KCNMA1: variants seen among roughly 807,000 people sequenced by gnomAD.
KCNMA1 encodes the protein Calcium-activated potassium channel subunit alpha-1.
KCNMA1 carries 29 observed loss-of-function variants against 140.0 expected under a neutral mutation model. The ratio of observed to expected loss-of-function variants is 0.21; its 90% CI spans 0.15 to 0.28. KCNMA1 has a LOEUF of 0.28. Among genes scored for constraint, KCNMA1 ranks in the 10% least tolerant of loss-of-function variants. The pLI, the probability that KCNMA1 is intolerant of heterozygous loss-of-function variation, is 1.00. For synonymous variants in KCNMA1, 612 were observed against 611.9 expected, an observed-to-expected ratio of 1.00 and a Z score of 0.00; for missense variants, 880 against 1,602.2, an observed-to-expected ratio of 0.55 and a Z score of 7.70.
chr10:77,007,318 A>G (rs889752142), intron 18 of KCNMA1, among the ~76,000 whole-genome samples: 1 of 152,178 alleles, frequency 6.6e-6, no homozygotes, highest in Non-Finnish European at 1.5e-5. Context: ...GGATCTTCCA[A>G]GATGTCTGAC....
intron 14 of KCNMA1, among the ~76,000 whole-genome samples, chr10:77,040,945 T>C (rs2094632776): frequency 1.3e-5 from 2 of 152,226 alleles, no homozygotes; most frequent in African/African-American, 4.8e-5. Context: ...ACCCTCTTCA[T>C]GCTAGGCATC....
At chr10:77,454,646 C>A (rs1419688702) in intron 1 of KCNMA1, among the ~76,000 whole-genome samples, 1 of 152,222 alleles carries the variant, frequency 6.6e-6, no homozygotes, top group East Asian at 1.9e-4. Context: ...TCAGCGATCA[C>A]GATACACGAA....
chr10:77,267,105 G>A (rs1012734302), intron 2 of KCNMA1, among the ~76,000 whole-genome samples: 2 of 152,194 alleles, frequency 1.3e-5, no homozygotes, highest in African/African-American at 2.4e-5. Context: ...ATGAGAAGGA[G>A]TGAAGAAGAT....
intron 19 of KCNMA1, chr10:76,973,248 G>A (rs991642613): frequency 6.6e-6 from 1 of 152,166 alleles, no homozygotes; most frequent in African/African-American, 2.4e-5. Context: ...AACAAGTTCA[G>A]GAATCTAACG....
At chr10:76,909,113 C>T (rs551495754) in intron 25 of KCNMA1, among the ~76,000 whole-genome samples, 42 of 152,356 alleles carry the variant, frequency 2.8e-4, no homozygotes, top group Non-Finnish European at 5.6e-4. Flanking sequence ...CCAGGCCTTG[C>T]CTCCATGCCT....
chr10:77,374,854 C>A (rs1411804733), intron 2 of KCNMA1, among the ~76,000 whole-genome samples: 3 of 152,210 alleles, frequency 2.0e-5, no homozygotes, highest in Non-Finnish European at 1.5e-5. Flanking sequence ...TCACAACACC[C>A]TGATTCCAGA....
intron 2 of KCNMA1, among the ~76,000 whole-genome samples, chr10:77,274,041 C>T (rs1444440899): frequency 6.6e-6 from 1 of 152,306 alleles, no homozygotes; most frequent in African/African-American, 2.4e-5. Context: ...TGATGGCTAG[C>T]ATTCCTCTTA....
At chr10:77,554,570 C>A (rs1248037696) in intron 1 of KCNMA1, among the ~76,000 whole-genome samples, 2 of 118,366 alleles carry the variant, frequency 1.7e-5, no homozygotes, top group African/African-American at 6.7e-5. Context: ...GCACTCCAGT[C>A]TGGGTGACAA....
At chr10:77,392,595 T>C (rs1423087195) in intron 2 of KCNMA1, among the ~76,000 whole-genome samples, 1 of 152,214 alleles carries the variant, frequency 6.6e-6, no homozygotes, top group Non-Finnish European at 1.5e-5. Flanking sequence ...AACCAACATA[T>C]GTCCAGCACA....
At chr10:77,244,134 A>C (rs189964360) in intron 3 of KCNMA1, among the ~76,000 whole-genome samples, 2 of 152,170 alleles carry the variant, frequency 1.3e-5, no homozygotes, top group Non-Finnish European at 2.9e-5. Flanking sequence ...AACCCAGGAG[A>C]TCAAGTAGAA....
In KCNMA1 at chr10:77,112,362, C is replaced by T. The variant is rs1297277798; in HGVS notation, c.960+5G>A. 1 of 1,609,946 alleles carries T rather than the reference C, an allele frequency of 6.2e-7. No individual in the cohort carries two copies. On this transcript the variant is annotated splice_donor_5th_base_variant and intron_variant, in intron 7 of 27. Coordinates refer to ENST00000286628, the MANE Select transcript of KCNMA1 (RefSeq NM_001161352.2). ...GAGAGCAGAAGGGTCTTCAAGGTTA[C>T]TCACCAAATGGATGAACCCGGCTGC...
At chr10:77,126,144 A>G (rs1228381380) in intron 5 of KCNMA1, among the ~76,000 whole-genome samples, 1 of 152,154 alleles carries the variant, frequency 6.6e-6, no homozygotes, top group African/African-American at 2.4e-5. Context: ...TTTTTATTCT[A>G]TAAAATCTCT....
chr10:77,367,691 A>T (rs1028414482), intron 2 of KCNMA1, among the ~76,000 whole-genome samples: 2 of 152,198 alleles, frequency 1.3e-5, no homozygotes, highest in African/African-American at 2.4e-5. Flanking sequence ...ACTATCTTGC[A>T]TTATCCTTTA....
chr10:77,206,564 G>A (rs1203954771), intron 3 of KCNMA1, among the ~76,000 whole-genome samples: 1 of 152,004 alleles, frequency 6.6e-6, no homozygotes, highest in Non-Finnish European at 1.5e-5. Context: ...CCTACCACCC[G>A]TATTACTCTC....
chr10:77,187,091 T>C lies in KCNMA1; in HGVS notation c.603-2175A>G, dbSNP rs370388513. 2.4e-4 allele frequency among the ~76,000 whole-genome samples: 37 copies of C among 152,206 alleles called. No individual in the cohort carries two copies. In the East Asian group the frequency reaches 3.5e-3, roughly 14 times the overall value. On this transcript the variant is annotated intron_variant, in intron 3 of 27. Coordinates refer to ENST00000286628, the MANE Select transcript of KCNMA1 (RefSeq NM_001161352.2). The stretch of plus-strand genomic sequence containing the variant: ...GTGGCATATTTGGGGCCATCATGAG[T>C]TCCCTAGCTCCTATTAATCCCGTGG...
chr10:77,397,262 T>G (rs971970091), intron 2 of KCNMA1, among the ~76,000 whole-genome samples: 1 of 152,204 alleles, frequency 6.6e-6, no homozygotes, highest in Non-Finnish European at 1.5e-5. Flanking sequence ...GACTTTCAAT[T>G]TCTTTATATA....
intron 1 of KCNMA1, among the ~76,000 whole-genome samples, chr10:77,427,729 A>G (rs981110514): frequency 7.0e-6 from 1 of 143,202 alleles, no homozygotes; most frequent in Non-Finnish European, 1.5e-5. Context: ...TCATTTATTT[A>G]TTTATTTATT....
At chr10:77,202,008 A>G (rs970288811) in intron 3 of KCNMA1, among the ~76,000 whole-genome samples, 10 of 152,184 alleles carry the variant, frequency 6.6e-5, no homozygotes, top group Admixed American at 5.9e-4. Context: ...CTTCTTGTGA[A>G]TCTTAAACTA....
rs542054542 is a variant in KCNMA1, at chr10:76,937,709, T to G, written c.2902+7064A>C. Among the ~76,000 whole-genome samples the G allele has an allele frequency of 2.0e-5, 3 of 152,332 alleles. No homozygotes were observed. The South Asian group carries it at 6.2e-4, about 32-fold the overall frequency. On this transcript the variant is annotated intron_variant, in intron 23 of 27. Transcript: ENST00000286628. The stretch of plus-strand genomic sequence containing the variant: ...ATCTCAGACTTTAGGATAGGGAAGG[T>G]GTACCCTATGCCCCCAATTAATGCT...
Sources: allele counts gnomAD v4.1 joint callset (sites outside exome capture counted in the v4.1 genomes callset), GRCh38; gene constraint gnomAD v4.1.1; transcripts MANE v1.5; gene names NCBI Gene and HGNC (gene_info 2026-07-23, HGNC 2026-07-21).